The following SYNE1 variants were observed in gnomAD, a reference collection of about 807,000 sequenced individuals.
SYNE1 encodes the protein spectrin repeat containing nuclear envelope protein 1, also known as nesprin-1.
Under a neutral mutation model 1,111.0 loss-of-function variants are expected in SYNE1, and 616 were observed. That is an observed-to-expected ratio of 0.55 (90% CI 0.52 to 0.59). SYNE1 has a LOEUF of 0.59. Ranked by LOEUF, SYNE1 falls within the 20% of genes least tolerant of loss-of-function variation. The probability of loss-of-function intolerance (pLI) is 0.00; values close to 1 mark genes in which losing one functional copy is unlikely to be tolerated. For missense variants in SYNE1, 10,006 were observed against 10,417.0 expected, an observed-to-expected ratio of 0.96 and a Z score of 1.72; for synonymous variants, 3,855 against 3,825.8, an observed-to-expected ratio of 1.01 and a Z score of -0.28.
At chr6:152,295,615 G>GACAC (rs57149645) in intron 93 of SYNE1, among the ~76,000 whole-genome samples, 1 of 150,472 alleles carries the variant, frequency 6.6e-6, no homozygotes, top group Non-Finnish European at 1.5e-5. Context: ...GTGTGTTACT[G>GACAC]ACACACACAC....
chr6:152,464,793 C>A, intron 18 of SYNE1: 1 of 238,910 alleles, frequency 4.2e-6, no homozygotes, highest in East Asian at 1.0e-4. Flanking sequence ...ATAAATCACT[C>A]CTACCCAGAA....
rs551488589 is a variant in SYNE1, at chr6:152,268,102, C to T, written c.18769G>A (p.Glu6257Lys). The T allele has an allele frequency of 4.3e-6, 7 of 1,613,992 alleles. No homozygotes were observed. The Admixed American group carries it at 1.0e-4, about 23-fold the overall frequency. The change falls in exon 100 of 146, where the codon GAG (glutamate) becomes AAG (lysine). Residue 6257 changes from glutamate (E) to lysine (K), a missense_variant. Physicochemically the swap from Glu to Lys is moderately conservative, Grantham distance 56 (BLOSUM62 1). This residue lies in a region of SYNE1 where 2,182 missense variants were observed against 2,287.8 expected (regional missense o/e 0.95). Coordinates refer to ENST00000367255, the MANE Select transcript of SYNE1 (RefSeq NM_182961.4). ...LLRSVASRGE[E>K]ILIQHSAAET... The stretch of plus-strand genomic sequence containing the variant: ...GCCGCCGAATGTTGAATTAGAATCT[C>T]CTCTCCACGACTGGCTACTGAGCGA...
chr6:152,461,091 G>A (rs924154302), intron 21 of SYNE1, among the ~76,000 whole-genome samples: 2 of 152,110 alleles, frequency 1.3e-5, no homozygotes, highest in South Asian at 2.1e-4. Flanking sequence ...GATTATAGGC[G>A]TGAGCCACTG....
chr6:152,285,160 C>T (rs2094258934), intron 95 of SYNE1, among the ~76,000 whole-genome samples: 1 of 152,136 alleles, frequency 6.6e-6, no homozygotes, highest in Admixed American at 6.6e-5. Context: ...CACCACCTCT[C>T]ATTATGGCTC....
rs185212460 is a variant in SYNE1, at chr6:152,511,835, T to C, written c.310-732A>G. 2.0e-5 allele frequency among the ~76,000 whole-genome samples: 3 copies of C among 152,284 alleles called. No homozygotes were observed. In the East Asian group the frequency reaches 5.8e-4, roughly 29 times the overall value. ...AGGAGAGACGTCAATCTATGTACAA[T>C]TGACCCAAATTATTCATGCTAATGT... is the stretch of plus-strand genomic sequence containing the variant. On this transcript the variant is annotated intron_variant, in intron 6 of 145. Coordinates refer to ENST00000367255, the MANE Select transcript of SYNE1 (RefSeq NM_182961.4).
chr6:152,224,552 C>A lies in SYNE1; in HGVS notation c.21464G>T (p.Arg7155Leu). The A allele has an allele frequency of 6.2e-7, 1 of 1,613,964 alleles. No individual in the cohort carries two copies. The highest frequency in any genetic ancestry group is 8.5e-7 in the Non-Finnish European group (1 of 1,179,970). ...TAAGGAGCCAGTCAGCAGACGGAAT[C>A]GGGAAAGAGAGTATCTGGCCTCCAT... Reference protein sequence around the residue: ...YLMEARYSLSRFRLLTGSLEA... With the variant: ...YLMEARYSLSLFRLLTGSLEA... Residue 7155 changes from arginine to leucine, a missense_variant, in exon 117 of 146, where the codon CGA (arginine) becomes CTA (leucine). By Grantham distance (102) the Arg-to-Leu change is moderately radical (BLOSUM62 -2). Around this residue, in one of 7 missense-constraint regions of SYNE1, gnomAD observed 2,182 missense variants for 2,287.8 expected, o/e 0.95. Coordinates refer to ENST00000367255, the MANE Select transcript of SYNE1 (RefSeq NM_182961.4).
rs980349048 is a variant in SYNE1, at chr6:152,465,341, G to A, written c.1849C>T (p.Arg617Cys). The change falls in exon 18 of 146, where the codon CGC (arginine) becomes TGC (cysteine). Residue 617 changes from arginine to cysteine, a missense_variant. By Grantham distance (180) the Arg-to-Cys change is radical. This residue lies in a region of SYNE1 where 1,971 missense variants were observed against 2,084.1 expected (regional missense o/e 0.95). Coordinates refer to ENST00000367255, the MANE Select transcript of SYNE1 (RefSeq NM_182961.4). ...AGACTAGCCACTGTATTGCCATAGC[G>A]ATCCCAGTTAGAGATCACTTCTTCC... is the stretch of plus-strand genomic sequence containing the variant. ...MLEEVISNWD[R>C]YGNTVASLQA... is the part of the protein sequence containing the mutation. 6.8e-6 allele frequency: 11 copies of A among 1,613,556 alleles called. No homozygotes were observed. The highest frequency in any genetic ancestry group is 2.2e-5 in the East Asian group (1 of 44,862).
Position 152,331,254 on chromosome 6 carries a change from C to G in SYNE1, c.13431G>C (p.Met4477Ile). 6.2e-7 allele frequency: 1 copy of G among 1,614,128 alleles called. No homozygotes were observed. Among genetic ancestry groups the G allele is most frequent in the Non-Finnish European group, 8.5e-7 (1 of 1,180,046 alleles). The stretch of plus-strand genomic sequence containing the variant: ...GTAACAGACAGATGTGTTCACGGAA[C>G]ATTATCTTTCGCTCATGTTGCTGAA... ...SQIQQHERKIMFREHICLLPD... is the reference protein window; with the variant it reads ...SQIQQHERKIIFREHICLLPD... The change falls in exon 78 of 146, where the codon ATG becomes ATC. Residue 4477 changes from methionine to isoleucine, a missense_variant. Physicochemically the swap from Met to Ile is conservative, Grantham distance 10. This residue lies in a region of SYNE1 where 4,955 missense variants were observed against 5,017.2 expected (regional missense o/e 0.99). Transcript: ENST00000367255.
intron 16 of SYNE1, among the ~76,000 whole-genome samples, chr6:152,467,398 CA>C (rs1047741688): frequency 6.6e-6 from 1 of 151,796 alleles, no homozygotes; most frequent in African/African-American, 2.4e-5. Context: ...ATTATTTGAT[CA>C]AAAATGGAAA....
intron 40 of SYNE1, among the ~76,000 whole-genome samples, chr6:152,419,253 T>C (rs1302742602): frequency 6.6e-6 from 1 of 152,192 alleles, no homozygotes; most frequent in East Asian, 1.9e-4. Context: ...TAGTTTTCAG[T>C]TTTGAAATAA....
intron 103 of SYNE1, 118 bp from the exon 104 acceptor site, chr6:152,255,207 C>T (rs991196575): frequency 1.1e-6 from 1 of 895,096 alleles, no homozygotes; most frequent in Non-Finnish European, 1.7e-6. Flanking sequence ...ATAATCAGAC[C>T]TAAGACAACT....
intron 54 of SYNE1, among the ~76,000 whole-genome samples, chr6:152,386,512 C>A (rs1374437792): frequency 6.6e-6 from 1 of 151,822 alleles, no homozygotes; most frequent in Non-Finnish European, 1.5e-5. Context: ...ACAACAACAA[C>A]TCTCTCCCTT....
At chr6:152,166,466 GT>G (rs1271511365) in intron 130 of SYNE1, among the ~76,000 whole-genome samples, 1 of 152,036 alleles carries the variant, frequency 6.6e-6, no homozygotes, top group African/African-American at 2.4e-5. Flanking sequence ...AAATTCATTC[GT>G]TTTTTTGGTT....
chr6:152,122,794 G>A (rs1002789799), intron 145 of SYNE1, 118 bp from the exon 146 acceptor site: 24 of 1,504,912 alleles, frequency 1.6e-5, no homozygotes, highest in Non-Finnish European at 2.2e-5. Flanking sequence ...CCAGCCTGGC[G>A]ATCAGCTGCC....
intron 84 of SYNE1, among the ~76,000 whole-genome samples, chr6:152,320,708 T>C (rs1335300217): frequency 6.6e-6 from 1 of 152,194 alleles, no homozygotes; most frequent in Non-Finnish European, 1.5e-5. Flanking sequence ...ATGTTTCTAT[T>C]TACTCTTTTC....
intron 107 of SYNE1, among the ~76,000 whole-genome samples, chr6:152,241,702 A>G (rs2085756447): frequency 6.6e-6 from 1 of 152,198 alleles, no homozygotes; most frequent in African/African-American, 2.4e-5. Context: ...TGTAAGGGTC[A>G]GAGGATCTAA....
chr6:152,476,241 A>G (rs2098833705), intron 14 of SYNE1, among the ~76,000 whole-genome samples: 2 of 152,182 alleles, frequency 1.3e-5, no homozygotes, highest in African/African-American at 4.8e-5. Flanking sequence ...AAAAGACTCA[A>G]CATGCCCCAA....
intron 4 of SYNE1, among the ~76,000 whole-genome samples, chr6:152,538,162 T>C (rs1472762496): frequency 3.3e-5 from 5 of 152,176 alleles, no homozygotes; most frequent in African/African-American, 1.2e-4. Flanking sequence ...ATTAAAATCA[T>C]AATTGTGCAT....
chr6:152,585,973 A>T (rs1277275496), intron 3 of SYNE1, among the ~76,000 whole-genome samples: 1 of 152,090 alleles, frequency 6.6e-6, no homozygotes, highest in Non-Finnish European at 1.5e-5. Context: ...ACATGAGGTA[A>T]TAAGTCAGCT....
Sources: allele counts gnomAD v4.1 joint callset (sites outside exome capture counted in the v4.1 genomes callset), GRCh38; gene constraint gnomAD v4.1.1; regional missense constraint gnomAD v4.1.1; transcripts MANE v1.5; gene names NCBI Gene and HGNC (gene_info 2026-07-23, HGNC 2026-07-21).